The following AKAP9 variants were observed in gnomAD, a reference collection of about 807,000 sequenced individuals.
AKAP9 encodes A-kinase anchoring protein 9, also known as A-kinase anchor protein 9.
A neutral mutation model predicts 488.5 loss-of-function variants in AKAP9; 311 were observed. The ratio of observed to expected loss-of-function variants is 0.64; its 90% CI spans 0.58 to 0.70. The LOEUF is 0.70. AKAP9 is among the 30% of genes least tolerant of loss of function. The probability of loss-of-function intolerance (pLI) is 0.00; values close to 1 mark genes in which losing one functional copy is unlikely to be tolerated. For missense variants in AKAP9, 4,215 were observed against 4,374.5 expected, an observed-to-expected ratio of 0.96 and a Z score of 1.03; for synonymous variants, 1,462 against 1,483.5, an observed-to-expected ratio of 0.99 and a Z score of 0.33.
Position 92,095,071 on chromosome 7 carries a change from A to G in AKAP9, c.9627A>G (p.Thr3209=), listed in dbSNP as rs1816330429. The G allele has an allele frequency of 1.2e-6, 2 of 1,613,922 alleles. No homozygotes were observed. The highest frequency in any genetic ancestry group is 1.7e-6 in the Non-Finnish European group (2 of 1,179,754). The change falls in exon 40 of 50, where the codon ACA becomes ACG. Residue 3209 remains threonine (T), a synonymous_variant. Coordinates refer to ENST00000356239, the MANE Select transcript of AKAP9 (RefSeq NM_005751.5). ...ATGAAGTACATTTGCTTAATGACAC[A>G]TTAGCAAGTGAACAGAAAAAATCAA... ...KTDEVHLLND[T]LASEQKKSRE...
At position 92,069,968 on chromosome 7, in the gene AKAP9, CCT is replaced by C. The variant is rs2130841074; in HGVS notation, c.6331-61_6331-60del. The C allele has an allele frequency of 5.5e-6, 8 of 1,451,296 alleles. No individual in the cohort carries two copies. The East Asian group carries it at 1.8e-4, about 33-fold the overall frequency. 89.9% of individuals were successfully genotyped at this position (1,451,296 alleles called of 1,614,324 possible). On this transcript the variant is annotated intron_variant, in intron 26 of 49. Transcript: ENST00000356239. The stretch of plus-strand genomic sequence containing the variant: ...ATATCCAAAATGAGGGATAACTCAA[CCT>C]ATACTAACTAGCTTGCTGAAATTTT...
At chr7:91,952,026 AT>A (rs1416127271) in intron 1 of AKAP9, among the ~76,000 whole-genome samples, 1 of 152,070 alleles carries the variant, frequency 6.6e-6, no homozygotes, top group Non-Finnish European at 1.5e-5. Context: ...GGTTCATCCT[AT>A]ATATTGTCAC....
intron 1 of AKAP9, among the ~76,000 whole-genome samples, chr7:91,966,270 T>C: frequency 6.6e-6 from 1 of 152,146 alleles, no homozygotes; most frequent in Non-Finnish European, 1.5e-5. Flanking sequence ...AAAAAAAAAC[T>C]TTCCCCAGAC....
At chr7:91,965,539 A>C (rs1409080399) in intron 1 of AKAP9, among the ~76,000 whole-genome samples, 1 of 152,162 alleles carries the variant, frequency 6.6e-6, no homozygotes, top group Non-Finnish European at 1.5e-5. Context: ...CTTTCTTTTG[A>C]ATATGTCCCA....
intron 10 of AKAP9, among the ~76,000 whole-genome samples, chr7:92,015,627 G>C (rs1432451599): frequency 1.3e-5 from 2 of 152,046 alleles, no homozygotes; most frequent in African/African-American, 4.8e-5. Flanking sequence ...ACCTCCCAAA[G>C]TGCTGGGATT....
chr7:92,087,457 G>A (rs1162165164), intron 37 of AKAP9, among the ~76,000 whole-genome samples: 4 of 152,072 alleles, frequency 2.6e-5, no homozygotes, highest in Non-Finnish European at 5.9e-5. Context: ...TGGGTGAAAT[G>A]GACAGATTTT....
intron 21 of AKAP9, 60 bp from the exon 22 acceptor site, chr7:92,052,666 A>C (rs1808181426): frequency 8.2e-7 from 1 of 1,220,936 alleles, no homozygotes; most frequent in Non-Finnish European, 1.1e-6. Flanking sequence ...GTTGTTTTAT[A>C]ACTTTAAAAA....
intron 28 of AKAP9, among the ~76,000 whole-genome samples, chr7:92,075,573 C>T (rs1380792192): frequency 6.6e-6 from 1 of 152,158 alleles, no homozygotes; most frequent in East Asian, 1.9e-4. Flanking sequence ...GAGATAAACT[C>T]CTCAGGTTCA....
chr7:92,108,430 G>T lies in AKAP9; in HGVS notation c.11547-64G>T. On this transcript the variant is annotated intron_variant, in intron 48 of 49. Coordinates refer to ENST00000356239, the MANE Select transcript of AKAP9 (RefSeq NM_005751.5). ...CTTTTTGGGGAAGGGAGTGGAGGCA[G>T]GTTGGTAACTTATATGCATATTTCT... is the stretch of plus-strand genomic sequence containing the variant. The T allele has an allele frequency of 2.6e-6, 4 of 1,562,610 alleles. No individual in the cohort carries two copies. In the South Asian group the frequency reaches 3.3e-5, roughly 13 times the overall value.
Position 92,106,278 on chromosome 7 carries a change from A to G in AKAP9, c.11416+515A>G, listed in dbSNP as rs1182960719. On this transcript the variant is annotated intron_variant, in intron 47 of 49. Transcript: ENST00000356239. ...AAGAGGGTAATAATAACTGATTTTC[A>G]TGGAGAACTTAGTCTGCACCTGGCC... is the stretch of plus-strand genomic sequence containing the variant. Among the ~76,000 whole-genome samples, 3 of 152,242 alleles carry G rather than the reference A, an allele frequency of 2.0e-5. 1 individual carries two copies. Among genetic ancestry groups the G allele is most frequent in the Admixed American group, 2.0e-4 (3 of 15,290 alleles).
In AKAP9 at chr7:92,001,853, A is replaced by G. The variant is rs144918888; in HGVS notation, c.1936A>G (p.Ile646Val). 90 of 1,613,474 alleles carry G rather than the reference A, an allele frequency of 5.6e-5. No individual in the cohort carries two copies. The African/African-American group carries it at 1.1e-3, about 19-fold the overall frequency. ...ELSKLKEDLE[I>V]EHRINIEKLK... is the part of the protein sequence containing the mutation. ...TTCCAAACTGAAGGAAGATTTAGAA[A>G]TTGAACATCGAATAAATATTGAAAA... Residue 646 changes from isoleucine to valine, a missense_variant, in exon 8 of 50, where the codon ATT (isoleucine) becomes GTT (valine). Ile to Val is a conservative substitution (Grantham distance 29, BLOSUM62 3). This residue lies in a region of AKAP9 where 2,361 missense variants were observed against 2,430.0 expected (regional missense o/e 0.97). Coordinates refer to ENST00000356239, the MANE Select transcript of AKAP9 (RefSeq NM_005751.5).
intron 3 of AKAP9, among the ~76,000 whole-genome samples, chr7:91,984,222 G>T (rs972798664): frequency 6.6e-6 from 1 of 152,072 alleles, no homozygotes; most frequent in Non-Finnish European, 1.5e-5. Flanking sequence ...TGACCTAAAG[G>T]TTATTGCCTA....
chr7:92,067,370 A>T (rs959665334), intron 26 of AKAP9, among the ~76,000 whole-genome samples: 1 of 152,200 alleles, frequency 6.6e-6, no homozygotes, highest in Non-Finnish European at 1.5e-5. Context: ...AAAGACAAGC[A>T]TAAAACATTT....
chr7:91,979,695 C>G (rs1796144430), intron 2 of AKAP9, among the ~76,000 whole-genome samples: 1 of 152,182 alleles, frequency 6.6e-6, no homozygotes, highest in Non-Finnish European at 1.5e-5. Context: ...ATACTGCATA[C>G]TGCCATAATG....
At chr7:92,097,899 G>A in intron 42 of AKAP9, 105 bp downstream of exon 42, 1 of 1,143,734 alleles carries the variant, frequency 8.7e-7, no homozygotes, top group Non-Finnish European at 1.3e-6. Flanking sequence ...AATTTTAAAG[G>A]TAATGCGTGT....
intron 43 of AKAP9, 96 bp downstream of exon 43, chr7:92,098,310 TATAG>T: frequency 1.5e-6 from 1 of 685,232 alleles, no homozygotes; most frequent in East Asian, 2.8e-5. Context: ...TTATACTCTT[TATAG>T]AGTTTTATTT....
intron 28 of AKAP9, among the ~76,000 whole-genome samples, chr7:92,071,948 G>A (rs1323948191): frequency 6.7e-6 from 1 of 149,224 alleles, no homozygotes. Context: ...TACCTGAGAG[G>A]CTCTTATTTA....
intron 1 of AKAP9, among the ~76,000 whole-genome samples, chr7:91,944,398 ATT>A (rs1296365311): frequency 3.5e-5 from 5 of 143,848 alleles, no homozygotes; most frequent in Non-Finnish European, 3.1e-5. Context: ...TTCAAATGCC[ATT>A]TTTTTTTTTT....
chr7:92,021,398 A>G (rs1802298932), intron 12 of AKAP9, among the ~76,000 whole-genome samples: 1 of 152,144 alleles, frequency 6.6e-6, no homozygotes, highest in South Asian at 2.1e-4. Context: ...ATTAGTACAC[A>G]CAGGTATCTG....
Sources: gnomAD v4.1 joint callset for allele counts (sites outside exome capture counted in the v4.1 genomes callset) on GRCh38, gnomAD v4.1.1 for gene constraint, gnomAD v4.1.1 regional missense constraint, MANE v1.5 for transcripts, NCBI Gene and HGNC (gene_info 2026-07-23, HGNC 2026-07-21) for gene names.